Variants in NPFFR2 observed in about 807,000 individuals in gnomAD.
NPFFR2 encodes G-protein coupled receptor 74.
Under a neutral mutation model 13.1 loss-of-function variants are expected in NPFFR2, and 15 were observed. That is an observed-to-expected ratio of 1.15 (90% CI 0.77 to 1.76). The LOEUF is 1.76. Among genes scored for constraint, NPFFR2 ranks in the 40% most tolerant of loss-of-function variants. NPFFR2 has a pLI of 0.00. For synonymous variants in NPFFR2, 190 were observed against 175.7 expected (o/e 1.08, Z -0.65); for missense variants, 572 against 503.5 (o/e 1.14, Z -1.30).
chr4:72,091,000 G>T (rs149935818), intron 1 of NPFFR2, among the ~76,000 whole-genome samples: 3 of 151,778 alleles, frequency 2.0e-5, no homozygotes, highest in Admixed American at 1.3e-4. Context: ...TGCCAGTTTT[G>T]CTGGGGGTTT....
chr4:72,147,426 C>G lies in NPFFR2; in HGVS notation c.877C>G (p.Leu293Val). 1 of 1,614,196 alleles carries G rather than the reference C, an allele frequency of 6.2e-7. No homozygotes were observed. Among genetic ancestry groups the G allele is most frequent in the Non-Finnish European group, 8.5e-7 (1 of 1,180,034 alleles). Residue 293 changes from leucine (L) to valine (V), a missense_variant, in exon 4 of 4, where the codon CTA becomes GTA. By Grantham distance (32) the Leu-to-Val change is conservative (BLOSUM62 1). Coordinates refer to ENST00000308744, the MANE Select transcript of NPFFR2 (RefSeq NM_004885.3). ...TCTCTCATGGCTGCCCCTGTGGACT[C>G]TAATGATGCTCTCAGACTACGCTGA... ...FILSWLPLWT[L>V]MMLSDYADLS...
At chr4:72,124,997 G>A (rs1165031682) in intron 1 of NPFFR2, among the ~76,000 whole-genome samples, 3 of 152,146 alleles carry the variant, frequency 2.0e-5, no homozygotes, top group African/African-American at 7.2e-5. Context: ...CCTACAAAAT[G>A]GGAGAAAATT....
intron 1 of NPFFR2, among the ~76,000 whole-genome samples, chr4:72,046,014 TA>T (rs1185035900): frequency 6.6e-6 from 1 of 152,114 alleles, no homozygotes; most frequent in Non-Finnish European, 1.5e-5. Flanking sequence ...TTATTTATAA[TA>T]AAATAATGAA....
At chr4:72,132,155 C>T (rs1298851741) in intron 2 of NPFFR2, among the ~76,000 whole-genome samples, 4 of 150,586 alleles carry the variant, frequency 2.7e-5, no homozygotes, top group Non-Finnish European at 3.0e-5. Flanking sequence ...TGAGTCTCTT[C>T]GTCCTTACTC....
chr4:72,076,239 C>G (rs1269601816), intron 1 of NPFFR2, among the ~76,000 whole-genome samples: 1 of 105,802 alleles, frequency 9.5e-6, no homozygotes, highest in Non-Finnish European at 2.0e-5. Context: ...ATAAAATGAC[C>G]TTATTTGCTC....
chr4:72,102,484 G>A (rs958345736), intron 1 of NPFFR2, among the ~76,000 whole-genome samples: 9 of 151,338 alleles, frequency 5.9e-5, no homozygotes, highest in African/African-American at 1.7e-4. Flanking sequence ...CCATTAACTC[G>A]TCATTTACAT....
intron 3 of NPFFR2, among the ~76,000 whole-genome samples, chr4:72,142,256 C>T (rs1370973008): frequency 6.6e-6 from 1 of 152,142 alleles, no homozygotes; most frequent in Non-Finnish European, 1.5e-5. Flanking sequence ...ATCGCATTTA[C>T]ATTTAAGGTT....
rs1269951835 is a variant in NPFFR2 at position 72,103,741 on chromosome 4, GA to G, written c.-7-24840del. ...ATATCATTTCAAAGTTGAACTAATA[GA>G]AAATGTTACCCATTAATGATTTATG... On this transcript the variant is annotated intron_variant, in intron 1 of 3. Coordinates refer to ENST00000308744, the MANE Select transcript of NPFFR2 (RefSeq NM_004885.3). Among the ~76,000 whole-genome samples, 4 of 152,022 alleles carry G rather than the reference GA, an allele frequency of 2.6e-5. No homozygotes were observed. In the South Asian group the frequency reaches 8.3e-4, roughly 31 times the overall value.
chr4:72,117,006 A>G (rs1309158217), intron 1 of NPFFR2, among the ~76,000 whole-genome samples: 1 of 152,028 alleles, frequency 6.6e-6, no homozygotes, highest in Non-Finnish European at 1.5e-5. Flanking sequence ...CAAGACGTCT[A>G]CCTTACACAA....
chr4:72,032,338 C>T (rs1258588197), intron 1 of NPFFR2, 138 bp downstream of exon 1: 3 of 960,012 alleles, frequency 3.1e-6, no homozygotes, highest in Non-Finnish European at 4.6e-6. Context: ...TTCCTAATTA[C>T]ACAGGCACCC....
chr4:72,137,244 T>G (rs1351701395), intron 2 of NPFFR2, among the ~76,000 whole-genome samples: 1 of 152,070 alleles, frequency 6.6e-6, no homozygotes, highest in East Asian at 1.9e-4. Flanking sequence ...TGCAGAAAAA[T>G]TAAAAAAATA....
intron 1 of NPFFR2, among the ~76,000 whole-genome samples, chr4:72,037,992 G>A (rs113547099): frequency 3.4e-4 from 52 of 152,228 alleles, no homozygotes; most frequent in East Asian, 2.5e-3. Context: ...ATTAGTGCCC[G>A]CTTGAAGATT....
At chr4:72,078,931 T>A (rs796834676) in intron 1 of NPFFR2, among the ~76,000 whole-genome samples, 8 of 152,160 alleles carry the variant, frequency 5.3e-5, no homozygotes, top group African/African-American at 1.9e-4. Context: ...TTATGGAAGT[T>A]GGAGGGTGGG....
intron 1 of NPFFR2, among the ~76,000 whole-genome samples, chr4:72,047,142 G>T (rs949239652): frequency 6.6e-6 from 1 of 150,978 alleles, no homozygotes; most frequent in Admixed American, 6.6e-5. Context: ...AGAGTGAAAG[G>T]ATTTGGAAAA....
chr4:72,104,558 C>T (rs1425898422), intron 1 of NPFFR2, among the ~76,000 whole-genome samples: 1 of 151,954 alleles, frequency 6.6e-6, no homozygotes, highest in Non-Finnish European at 1.5e-5. Context: ...CCTCATAAAC[C>T]CCAAAGCATA....
At chr4:72,119,344 G>A (rs184006099) in intron 1 of NPFFR2, among the ~76,000 whole-genome samples, 463 of 152,188 alleles carry the variant, frequency 3.0e-3, no homozygotes, top group Non-Finnish European at 5.4e-3. Context: ...ACAATAATTC[G>A]GAAACTTCTT....
chr4:72,134,921 CT>C (rs113532483), intron 2 of NPFFR2, among the ~76,000 whole-genome samples: 6,602 of 152,006 alleles, frequency 0.043, 467 homozygotes, highest in African/African-American at 0.15. Flanking sequence ...ATGTCCCCTT[CT>C]TTTTTTGGTT....
intron 1 of NPFFR2, among the ~76,000 whole-genome samples, chr4:72,118,154 T>C (rs934724506): frequency 3.9e-5 from 6 of 152,246 alleles, no homozygotes; most frequent in Non-Finnish European, 8.8e-5. Context: ...GTTGAAAATA[T>C]GTGCTCTGGA....
intron 1 of NPFFR2, among the ~76,000 whole-genome samples, chr4:72,066,999 G>T (rs548317129): frequency 6.6e-6 from 1 of 151,936 alleles, no homozygotes; most frequent in East Asian, 1.9e-4. Context: ...CAACCCCTCG[G>T]CTCTGCTGGG....
Sources: allele counts gnomAD v4.1 joint callset (sites outside exome capture counted in the v4.1 genomes callset), GRCh38; gene constraint gnomAD v4.1.1; transcripts MANE v1.5; gene names NCBI Gene and HGNC (gene_info 2026-07-23, HGNC 2026-07-21).